The following SPTSSB variants were observed in gnomAD, a reference collection of about 807,000 sequenced individuals.
The protein encoded by SPTSSB is serine palmitoyltransferase small subunit B.
A neutral mutation model predicts 7.7 loss-of-function variants in SPTSSB; 6 were observed. That is an observed-to-expected ratio of 0.78 (90% CI 0.43 to 1.54). The LOEUF is 1.54. Ranked by LOEUF, SPTSSB falls within the 40% of genes most tolerant of loss-of-function variation. SPTSSB has a pLI of 0.01. For synonymous variants in SPTSSB, 28 were observed against 29.7 expected, an observed-to-expected ratio of 0.94 and a Z score of 0.19; for missense variants, 91 against 93.0, an observed-to-expected ratio of 0.98 and a Z score of 0.09.
intron 1 of SPTSSB, among the ~76,000 whole-genome samples, chr3:161,365,782 C>T (rs1476269519): frequency 6.6e-6 from 1 of 152,170 alleles, no homozygotes; most frequent in Non-Finnish European, 1.5e-5. Context: ...AAAATCAGGT[C>T]TCTGCTCCCT....
At chr3:161,364,805 A>G (rs1314998756) in intron 1 of SPTSSB, among the ~76,000 whole-genome samples, 1 of 152,132 alleles carries the variant, frequency 6.6e-6, no homozygotes, top group Non-Finnish European at 1.5e-5. Flanking sequence ...TATTTTGGCT[A>G]TATATGGGGA....
chr3:161,363,039 G>C (rs1715072102), intron 1 of SPTSSB, among the ~76,000 whole-genome samples: 1 of 151,486 alleles, frequency 6.6e-6, no homozygotes, highest in African/African-American at 2.4e-5. Flanking sequence ...TTTAAAATAA[G>C]GTGTCAATTA....
In SPTSSB at chr3:161,346,277, T is replaced by A; in HGVS notation, c.47A>T (p.Gln16Leu). Residue 16 changes from glutamine (Q) to leucine (L), a missense_variant, in exon 3 of 3, where the codon CAA (glutamine) becomes CTA (leucine). By Grantham distance (113) the Gln-to-Leu change is moderately radical. Coordinates refer to ENST00000620149, the MANE Select transcript of SPTSSB (RefSeq NM_001040100.2). ...AGCACAGCAGCTAATGATTTGGTAT[T>A]GATAGTAGAGCCAGGAGAAATATTC... Reference protein sequence around the residue: ...VKEYFSWLYYQYQIISCCAVL... With the variant: ...VKEYFSWLYYLYQIISCCAVL... 3 of 1,613,984 alleles carry A rather than the reference T, an allele frequency of 1.9e-6. No individual in the cohort carries two copies.
chr3:161,346,752 A>ATCATTATGAGTCAAAT (rs1560101737), intron 2 of SPTSSB, among the ~76,000 whole-genome samples: 5 of 151,988 alleles, frequency 3.3e-5, no homozygotes, highest in Non-Finnish European at 5.9e-5. Flanking sequence ...ATAAGGTCCA[A>ATCATTATGAGTCAAAT]GGGATCATTA....
At position 161,345,897 on chromosome 3, in the gene SPTSSB, C is replaced by T; in HGVS notation, c.*196G>A. 2.0e-6 allele frequency: 1 copy of T among 491,244 alleles called. No individual in the cohort carries two copies. The highest frequency in any genetic ancestry group is 3.4e-5 in the East Asian group (1 of 29,642). The allele number at this position is 491,244 out of a possible 1,614,324, so 30.4% of individuals were successfully genotyped here. On this transcript the variant is annotated 3_prime_UTR_variant, in exon 3 of 3. Coordinates refer to ENST00000620149, the MANE Select transcript of SPTSSB (RefSeq NM_001040100.2). ...TCACTGTATTATCTCCGGTCTAAAG[C>T]ACAATGTAGCATGTGCAAAAGAAAC...
At chr3:161,348,821 A>G (rs894692556) in intron 2 of SPTSSB, among the ~76,000 whole-genome samples, 5 of 152,142 alleles carry the variant, frequency 3.3e-5, no homozygotes, top group African/African-American at 7.2e-5. Context: ...CTTATTGATG[A>G]TAAGCAATTT....
rs1454788017 is a variant in SPTSSB at position 161,345,250 on chromosome 3, T to C, written c.*843A>G. 1 of 152,616 alleles carries C rather than the reference T, an allele frequency of 6.6e-6. No homozygotes were observed. Among genetic ancestry groups the C allele is most frequent in the Non-Finnish European group, 1.5e-5 (1 of 68,030 alleles). 9.5% of individuals were successfully genotyped at this position (152,616 alleles called of 1,614,324 possible). A position where few individuals can be genotyped will look rare whatever the true frequency, so the allele number is the denominator to read the frequency against. ...ATTACTTCCAGCCTATTTATTAGCT[T>C]GTCTTCCGGTGGCCCAATACATGCT... On this transcript the variant is annotated 3_prime_UTR_variant, in exon 3 of 3. Transcript: ENST00000620149.
intron 2 of SPTSSB, among the ~76,000 whole-genome samples, chr3:161,347,609 C>T (rs749535120): frequency 3.3e-5 from 5 of 152,094 alleles, no homozygotes; most frequent in Admixed American, 6.6e-5. Flanking sequence ...CGGTGGCTCA[C>T]GCCTGTAATC....
chr3:161,349,915 G>A (rs1004770971), intron 2 of SPTSSB, among the ~76,000 whole-genome samples: 3 of 152,124 alleles, frequency 2.0e-5, no homozygotes, highest in Non-Finnish European at 4.4e-5. Context: ...ATTTGTGTGC[G>A]GTGGAGAAGG....
At chr3:161,369,314 C>CTTTCTTTCTTTCTCTTTCTTTCTTTCTT (rs1278233391) in intron 1 of SPTSSB, among the ~76,000 whole-genome samples, 4 of 65,724 alleles carry the variant, frequency 6.1e-5, no homozygotes, top group African/African-American at 3.1e-4. Flanking sequence ...TTCTTTCTTT[C>CTTTCTTTCTTTCTCTTTCTTTCTTTCTT]TCTTTCTTTC....
Position 161,358,311 on chromosome 3 carries a change from C to CCTG in SPTSSB, c.-33+1488_-33+1490dup, listed in dbSNP as rs147401880. Among the ~76,000 whole-genome samples, 448 of 152,194 alleles carry CCTG rather than the reference C, an allele frequency of 2.9e-3. 6 individuals are homozygous for CCTG. The highest frequency in any genetic ancestry group is 0.01 in the Middle Eastern group (3 of 294). On this transcript the variant is annotated intron_variant, in intron 2 of 2. Transcript: ENST00000620149. ...GCCATGTGGGGAGCTGGGTGAGAATCCTGCTGACAGGTCGTACGGTGAAGT... is the reference window on the plus strand; with the variant it reads ...GCCATGTGGGGAGCTGGGTGAGAATCCTGCTGCTGACAGGTCGTACGGTGAAGT...
intron 2 of SPTSSB, among the ~76,000 whole-genome samples, chr3:161,357,416 A>G (rs1282247015): frequency 6.6e-6 from 1 of 152,224 alleles, no homozygotes; most frequent in African/African-American, 2.4e-5. Flanking sequence ...CCATATGGCT[A>G]CCTACATGCT....
At chr3:161,361,852 G>A (rs192067721) in intron 1 of SPTSSB, among the ~76,000 whole-genome samples, 78 of 152,248 alleles carry the variant, frequency 5.1e-4, no homozygotes, top group African/African-American at 1.7e-3. Context: ...AATTCACCCC[G>A]AAGGAAGTTA....
chr3:161,346,610 A>G (rs1714251623), intron 2 of SPTSSB, among the ~76,000 whole-genome samples: 1 of 152,202 alleles, frequency 6.6e-6, no homozygotes, highest in African/African-American at 2.4e-5. Context: ...CTATCTAAAC[A>G]TGACAATTGT....
At chr3:161,362,902 T>C (rs1576901330) in intron 1 of SPTSSB, among the ~76,000 whole-genome samples, 1 of 152,020 alleles carries the variant, frequency 6.6e-6, no homozygotes, top group Non-Finnish European at 1.5e-5. Context: ...CTTTATACAA[T>C]ATGATAGTAA....
rs114595498 is a variant in SPTSSB, at chr3:161,362,574, A to C, written c.-125-2680T>G. Among the ~76,000 whole-genome samples the C allele has an allele frequency of 4.6e-3, 693 of 152,282 alleles. 6 individuals carry two copies. The highest frequency in any genetic ancestry group is 0.016 in the African/African-American group (660 of 41,580). On this transcript the variant is annotated intron_variant, in intron 1 of 2. Coordinates refer to ENST00000620149, the MANE Select transcript of SPTSSB (RefSeq NM_001040100.2). ...TTCTATAAACAAGAAACAAATCAGA[A>C]TCTATAGCTAATCAAAATTGATAAC... is the stretch of plus-strand genomic sequence containing the variant.
rs1714187809 is a variant in SPTSSB at position 161,345,686 on chromosome 3, G to A, written c.*407C>T. ...CAAGGATAGGATACTTCTGACAGTA[G>A]CCTATAAAGATTTTTTAAAATTTAT... On this transcript the variant is annotated 3_prime_UTR_variant, in exon 3 of 3. Transcript: ENST00000620149. 1 of 156,186 alleles carries A rather than the reference G, an allele frequency of 6.4e-6. No homozygotes were observed. Among genetic ancestry groups the A allele is most frequent in the South Asian group, 1.9e-4 (1 of 5,150 alleles). 9.7% of individuals were successfully genotyped at this position (156,186 alleles called of 1,614,324 possible). A position where few individuals can be genotyped will look rare whatever the true frequency, so the allele number is the denominator to read the frequency against.
intron 2 of SPTSSB, among the ~76,000 whole-genome samples, chr3:161,349,117 G>C (rs1714403111): frequency 6.6e-6 from 1 of 152,162 alleles, no homozygotes; most frequent in Non-Finnish European, 1.5e-5. Flanking sequence ...GTACTACTAT[G>C]TGGCTCCTTC....
At chr3:161,364,147 A>G (rs914115290) in intron 1 of SPTSSB, among the ~76,000 whole-genome samples, 2 of 151,954 alleles carry the variant, frequency 1.3e-5, no homozygotes, top group Non-Finnish European at 1.5e-5. Context: ...AAATTTCTCT[A>G]TCTAAACAGA....
Sources: gnomAD v4.1 joint callset for allele counts (sites outside exome capture counted in the v4.1 genomes callset) on GRCh38, gnomAD v4.1.1 for gene constraint, MANE v1.5 for transcripts, NCBI Gene and HGNC (gene_info 2026-07-23, HGNC 2026-07-21) for gene names.